The following GABBR1 variants were observed in gnomAD, a reference collection of about 807,000 sequenced individuals.
GABBR1 encodes the protein gamma-aminobutyric acid type B receptor subunit 1.
Under a neutral mutation model 117.7 loss-of-function variants are expected in GABBR1, and 35 were observed. The observed-to-expected ratio is 0.30, with a 90% CI of 0.23 to 0.39. The LOEUF (loss-of-function observed/expected upper bound fraction) is 0.39. Among genes scored for constraint, GABBR1 ranks in the 10% least tolerant of loss-of-function variants. The probability of loss-of-function intolerance (pLI) is 1.00; values close to 1 mark genes in which losing one functional copy is unlikely to be tolerated. For missense variants in GABBR1, 709 were observed against 1,241.8 expected (o/e 0.57, Z 6.45); for synonymous variants, 442 against 486.6 (o/e 0.91, Z 1.21).
In GABBR1 at chr6:29,606,186, G is replaced by C. The variant is rs189676594; in HGVS notation, c.2311+205C>G. The C allele has an allele frequency of 2.3e-3, 1,311 of 580,758 alleles. 16 individuals are homozygous for C. The highest frequency in any genetic ancestry group is 0.019 in the African/African-American group (1,020 of 53,824). 36.0% of individuals were successfully genotyped at this position (580,758 alleles called of 1,614,324 possible). On this transcript the variant is annotated intron_variant, in intron 19 of 22. Coordinates refer to ENST00000377034, the MANE Select transcript of GABBR1 (RefSeq NM_001470.4). The surrounding 1 kb of genome is among the most constrained non-coding windows in gnomAD (Gnocchi z 4.5). ...TCTTCATCTGTGCTTTCTGTGCTTT[G>C]GGCCCTAAGCTCCTCATAGCAAAAG...
At chr6:29,624,247 T>C in intron 6 of GABBR1, 1 of 472,250 alleles carries the variant, frequency 2.1e-6, no homozygotes, top group Non-Finnish European at 3.8e-6. Flanking sequence ...GCCTTACCCA[T>C]CACCTCTCCT....
At position 29,632,526 on chromosome 6, in the gene GABBR1, G is replaced by A. The variant is rs1273545116; in HGVS notation, c.1-141C>T. On this transcript the variant is annotated intron_variant, in intron 1 of 22. Coordinates refer to ENST00000377034, the MANE Select transcript of GABBR1 (RefSeq NM_001470.4). The surrounding 1 kb of genome is among the most constrained non-coding windows in gnomAD (Gnocchi z 5.8). ...GACCAAGAGAGCGCCCCGCGGAGGA[G>A]GCGGGGGCGGAGCCCCGCGCGGGGT... 1.4e-5 allele frequency: 13 copies of A among 917,818 alleles called. No individual in the cohort carries two copies. Among genetic ancestry groups the A allele is most frequent in the Non-Finnish European group, 2.0e-5 (13 of 657,714 alleles). The allele number at this position is 917,818 out of a possible 1,614,324, so 56.9% of individuals were successfully genotyped here.
chr6:29,621,170 C>A lies in GABBR1; in HGVS notation c.1254G>T (p.Ala418=), dbSNP rs763531433. The A allele has an allele frequency of 2.5e-6, 4 of 1,612,906 alleles. No individual in the cohort carries two copies. The highest frequency in any genetic ancestry group is 3.4e-6 in the Non-Finnish European group (4 of 1,180,020). ...TCTCAGTTGTGATGTGGCCCTCCAC[C>A]GCCTCAGTCATCTCATCCACTGTGC... ...INCTVDEMTE[A]VEGHITTEIV... The change falls in exon 11 of 23, where the codon GCG becomes GCT. Residue 418 remains alanine, a synonymous_variant. Coordinates refer to ENST00000377034, the MANE Select transcript of GABBR1 (RefSeq NM_001470.4). This position sits in a 1 kb window ranked among gnomAD's most constrained non-coding sequence, Gnocchi z 5.0.
chr6:29,621,668 G>A lies in GABBR1; in HGVS notation c.1131+84C>T. The A allele has an allele frequency of 8.4e-7, 1 of 1,196,286 alleles. No individual in the cohort carries two copies. The highest frequency in any genetic ancestry group is 1.2e-6 in the Non-Finnish European group (1 of 800,862). The allele number at this position is 1,196,286 out of a possible 1,614,324, so 74.1% of individuals were successfully genotyped here. Reference sequence around the variant, plus strand: ...CCTCAGATCATATGCTATCAACTCAGGCACAGATGCCAAGAGGAGGCCCCA... The same window carrying A: ...CCTCAGATCATATGCTATCAACTCAAGCACAGATGCCAAGAGGAGGCCCCA... On this transcript the variant is annotated intron_variant, in intron 10 of 22. Coordinates refer to ENST00000377034, the MANE Select transcript of GABBR1 (RefSeq NM_001470.4). The surrounding 1 kb of genome is among the most constrained non-coding windows in gnomAD (Gnocchi z 5.0).
chr6:29,627,473 T>G lies in GABBR1; in HGVS notation c.657+13A>C. The G allele has an allele frequency of 1.8e-6, 1 of 562,506 alleles. No individual in the cohort carries two copies. The highest frequency in any genetic ancestry group is 1.6e-5 in the South Asian group (1 of 63,276). 34.8% of individuals were successfully genotyped at this position (562,506 alleles called of 1,614,324 possible). On this transcript the variant is annotated intron_variant, in intron 6 of 22. Coordinates refer to ENST00000377034, the MANE Select transcript of GABBR1 (RefSeq NM_001470.4). This position sits in a 1 kb window ranked among gnomAD's most constrained non-coding sequence, Gnocchi z 4.4. ...AGCCCCCACCTCCCACCCACCCCCA[T>G]GTCCAGGGCTACCTTGCTGTCGTGG...
rs530156863 is a variant in GABBR1 at position 29,613,073 on chromosome 6, A to T, written c.1566+170T>A. On this transcript the variant is annotated intron_variant, in intron 12 of 22. Coordinates refer to ENST00000377034, the MANE Select transcript of GABBR1 (RefSeq NM_001470.4). The surrounding 1 kb of genome is among the most constrained non-coding windows in gnomAD (Gnocchi z 4.1). ...TGGAATACATCATTTTTTTTCCTCT[A>T]GTCTTTGATGGGTTCTTCTAATTTG... 6.6e-6 allele frequency among the ~76,000 whole-genome samples: 1 copy of T among 152,234 alleles called. No individual in the cohort carries two copies.
rs1762006270 is a variant in GABBR1 at position 29,606,841 on chromosome 6, A to G, written c.2217+56T>C. 6.9e-7 allele frequency: 1 copy of G among 1,441,348 alleles called. No individual in the cohort carries two copies. The highest frequency in any genetic ancestry group is 1.4e-5 in the African/African-American group (1 of 71,448). The allele number at this position is 1,441,348 out of a possible 1,614,324, so 89.3% of individuals were successfully genotyped here. The stretch of plus-strand genomic sequence containing the variant: ...AGACACACACAGCCCCAGGGCCCTG[A>G]TGGCCACTGAGCCCTGCTCATTCTC... On this transcript the variant is annotated intron_variant, in intron 18 of 22. Coordinates refer to ENST00000377034, the MANE Select transcript of GABBR1 (RefSeq NM_001470.4). The surrounding 1 kb of genome is among the most constrained non-coding windows in gnomAD (Gnocchi z 4.5).
Position 29,632,931 on chromosome 6 carries a change from C to T in GABBR1, c.-82G>A, listed in dbSNP as rs1474438098. 1 of 214,508 alleles carries T rather than the reference C, an allele frequency of 4.7e-6. No individual in the cohort carries two copies. 13.3% of individuals were successfully genotyped at this position (214,508 alleles called of 1,614,324 possible). On this transcript the variant is annotated 5_prime_UTR_variant, in exon 1 of 23. Coordinates refer to ENST00000377034, the MANE Select transcript of GABBR1 (RefSeq NM_001470.4). This position sits in a 1 kb window ranked among gnomAD's most constrained non-coding sequence, Gnocchi z 5.8. The stretch of plus-strand genomic sequence containing the variant: ...GCCGCTCCTCCCCGCTCCCCCCTCC[C>T]TTCTCCTCCACCTTTCTCCTCCTCC...
chr6:29,616,983 TAA>T (rs28383952), intron 11 of GABBR1, among the ~76,000 whole-genome samples: 35 of 71,678 alleles, frequency 4.9e-4, no homozygotes, highest in African/African-American at 1.3e-3. Context: ...CCGTCTCTAC[TAA>T]AAAAAAAAAA....
Position 29,622,230 on chromosome 6 carries a change from T to C in GABBR1, c.964-25A>G. On this transcript the variant is annotated intron_variant, in intron 8 of 22. Coordinates refer to ENST00000377034, the MANE Select transcript of GABBR1 (RefSeq NM_001470.4). This position sits in a 1 kb window ranked among gnomAD's most constrained non-coding sequence, Gnocchi z 4.6. Reference sequence around the variant, plus strand: ...TCTTGGGTGGGAATAAAAAACAAGTTGGAAAAACACGGGGTGCATGAGGGA... The same window carrying C: ...TCTTGGGTGGGAATAAAAAACAAGTCGGAAAAACACGGGGTGCATGAGGGA... 1.3e-6 allele frequency: 2 copies of C among 1,528,998 alleles called. No individual in the cohort carries two copies. Among genetic ancestry groups the C allele is most frequent in the Non-Finnish European group, 1.8e-6 (2 of 1,103,054 alleles). 94.7% of individuals were successfully genotyped at this position (1,528,998 alleles called of 1,614,324 possible). A position where few individuals can be genotyped will look rare whatever the true frequency, so the allele number is the denominator to read the frequency against.
chr6:29,603,604 G>A lies in GABBR1; in HGVS notation c.2825C>T (p.Pro942Leu), dbSNP rs779359819. The change falls in exon 23 of 23, where the codon CCC becomes CTC. Residue 942 changes from proline (P) to leucine (L), a missense_variant. Physicochemically the swap from Pro to Leu is moderately conservative, Grantham distance 98. Around this residue, in one of 9 missense-constraint regions of GABBR1, gnomAD observed 69 missense variants for 64.3 expected, o/e 1.07. Transcript: ENST00000377034. ...PEPSGGLPRG[P>L]PEPPDRLSCD... ...GCTAAGCCGGTCGGGGGGCTCAGGG[G>A]GTCCCCTGGGCAGGCCCCCAGAGGG... The A allele has an allele frequency of 6.3e-7, 1 of 1,583,182 alleles. No homozygotes were observed. The highest frequency in any genetic ancestry group is 8.6e-7 in the Non-Finnish European group (1 of 1,167,048).
chr6:29,632,432 G>A lies in GABBR1; in HGVS notation c.1-47C>T. The stretch of plus-strand genomic sequence containing the variant: ...GGACTGGACCGAGCCCCGCCGGCGC[G>A]GCCCGCACCCGGAGACTACTCGACC... On this transcript the variant is annotated intron_variant, in intron 1 of 22. Coordinates refer to ENST00000377034, the MANE Select transcript of GABBR1 (RefSeq NM_001470.4). This position sits in a 1 kb window ranked among gnomAD's most constrained non-coding sequence, Gnocchi z 5.8. The A allele has an allele frequency of 7.7e-7, 1 of 1,302,602 alleles. No individual in the cohort carries two copies. The highest frequency in any genetic ancestry group is 2.6e-4 in the Middle Eastern group (1 of 3,838). The allele number at this position is 1,302,602 out of a possible 1,614,324, so 80.7% of individuals were successfully genotyped here. A position where few individuals can be genotyped will look rare whatever the true frequency, so the allele number is the denominator to read the frequency against.
intron 11 of GABBR1, among the ~76,000 whole-genome samples, chr6:29,619,711 G>A (rs1244438319): frequency 6.6e-6 from 1 of 151,832 alleles, no homozygotes; most frequent in African/African-American, 2.4e-5. Flanking sequence ...CAGAAGCAAC[G>A]ATTGGCAAGT....
Position 29,628,875 on chromosome 6 carries a change from A to G in GABBR1, c.496+212T>C, listed in dbSNP as rs544346161. On this transcript the variant is annotated intron_variant, in intron 5 of 22. Transcript: ENST00000377034. ...GGAGCCCAGGGAAGTGTAGCCAAGC[A>G]GGGACAAGGAGAGACCGCAGCCTCG... Among the ~76,000 whole-genome samples the G allele has an allele frequency of 4.6e-5, 7 of 151,372 alleles. No individual in the cohort carries two copies. In the East Asian group the frequency reaches 1.4e-3, roughly 30 times the overall value.
At position 29,622,829 on chromosome 6, in the gene GABBR1, C is replaced by T. The variant is rs148880379; in HGVS notation, c.963+476G>A. Among the ~76,000 whole-genome samples the T allele has an allele frequency of 8.7e-4, 132 of 151,828 alleles. No individual in the cohort carries two copies. Among genetic ancestry groups the T allele is most frequent in the African/African-American group, 3.0e-3 (126 of 41,384 alleles). On this transcript the variant is annotated intron_variant, in intron 8 of 22. Transcript: ENST00000377034. This position sits in a 1 kb window ranked among gnomAD's most constrained non-coding sequence, Gnocchi z 4.6. Reference sequence around the variant, plus strand: ...CAGATCCATGCAGCTGCCTTTCTGCCCCTCTCTCTCCTCTCCCTCATTCCT... The same window carrying T: ...CAGATCCATGCAGCTGCCTTTCTGCTCCTCTCTCTCCTCTCCCTCATTCCT...
rs891993413 is a variant in GABBR1, at chr6:29,607,680, G to A, written c.1993-462C>T. ...TCTTTCATGTATTTTCTAGCCACACGATGCTCCCTATGCCCCTGAAGTAGC... is the reference window on the plus strand; with the variant it reads ...TCTTTCATGTATTTTCTAGCCACACAATGCTCCCTATGCCCCTGAAGTAGC... On this transcript the variant is annotated intron_variant, in intron 16 of 22. Coordinates refer to ENST00000377034, the MANE Select transcript of GABBR1 (RefSeq NM_001470.4). This position sits in a 1 kb window ranked among gnomAD's most constrained non-coding sequence, Gnocchi z 5.0. Among the ~76,000 whole-genome samples the A allele has an allele frequency of 2.6e-5, 4 of 152,124 alleles. No individual in the cohort carries two copies. Among genetic ancestry groups the A allele is most frequent in the Non-Finnish European group, 4.4e-5 (3 of 68,038 alleles).
At position 29,605,760 on chromosome 6, in the gene GABBR1, TCC is replaced by T; in HGVS notation, c.2312-66_2312-65del. The stretch of plus-strand genomic sequence containing the variant: ...CACAATGCTCCTCACTCAATCCCCA[TCC>T]CCTCTCTGCCCTTCACCTACTCTGA... On this transcript the variant is annotated intron_variant, in intron 19 of 22. Transcript: ENST00000377034. The surrounding 1 kb of genome is among the most constrained non-coding windows in gnomAD (Gnocchi z 4.2). The T allele has an allele frequency of 6.3e-7, 1 of 1,578,512 alleles. No individual in the cohort carries two copies. Among genetic ancestry groups the T allele is most frequent in the Non-Finnish European group, 8.6e-7 (1 of 1,165,204 alleles).
intron 11 of GABBR1, among the ~76,000 whole-genome samples, chr6:29,614,110 A>G (rs962063626): frequency 1.3e-5 from 2 of 152,210 alleles, no homozygotes; most frequent in Non-Finnish European, 2.9e-5. Flanking sequence ...CACCCCTCCC[A>G]ACACTCAACC....
chr6:29,604,494 C>A lies in GABBR1; in HGVS notation c.2712G>T (p.Glu904Asp). 1 of 1,613,362 alleles carries A rather than the reference C, an allele frequency of 6.2e-7. No individual in the cohort carries two copies. Among genetic ancestry groups the A allele is most frequent in the Non-Finnish European group, 8.5e-7 (1 of 1,180,034 alleles). The change falls in exon 22 of 23, where the codon GAG (glutamate) becomes GAT (aspartate). Residue 904 changes from glutamate (E) to aspartate (D), a missense_variant and splice_region_variant. Around this residue, in one of 9 missense-constraint regions of GABBR1, gnomAD observed 251 missense variants for 445.3 expected, o/e 0.56. Transcript: ENST00000377034. This position sits in a 1 kb window ranked among gnomAD's most constrained non-coding sequence, Gnocchi z 5.3. ...CCTACCCTGACACCCACCCCCGCACCTCAGCAATGATCTTTTCCAGTTCAC... is the reference window on the plus strand; with the variant it reads ...CCTACCCTGACACCCACCCCCGCACATCAGCAATGATCTTTTCCAGTTCAC... The part of the protein sequence containing the change: ...ENRELEKIIA[E>D]KEERVSELRH...
Sources: allele counts gnomAD v4.1 joint callset (sites outside exome capture counted in the v4.1 genomes callset), GRCh38; gene constraint gnomAD v4.1.1; regional missense constraint gnomAD v4.1.1; non-coding constraint Gnocchi (gnomAD v3.1); transcripts MANE v1.5; gene names NCBI Gene and HGNC (gene_info 2026-07-23, HGNC 2026-07-21).